Variants in ELF5 observed in about 807,000 individuals in gnomAD.
ELF5 encodes the protein E74 like ETS transcription factor 5, also known as ETS-related transcription factor Elf-5.
In ELF5, 31 loss-of-function variants were observed where a neutral mutation model predicts 38.2. The ratio of observed to expected loss-of-function variants is 0.81; its 90% CI spans 0.61 to 1.10. The LOEUF is 1.10. Ranked by LOEUF, ELF5 falls within the 50% of genes least tolerant of loss-of-function variation. ELF5 has a pLI of 0.00. For missense variants in ELF5, 300 were observed against 306.6 expected (o/e 0.98, Z 0.16); for synonymous variants, 121 against 112.5 (o/e 1.08, Z -0.48).
At chr11:34,512,746 C>T (rs1357688677) in intron 1 of ELF5, among the ~76,000 whole-genome samples, 3 of 152,212 alleles carry the variant, frequency 2.0e-5, no homozygotes, top group South Asian at 4.1e-4. Flanking sequence ...CTGAAAACTC[C>T]GGCCCGAGAA....
At chr11:34,510,417 A>C (rs1850724432) in intron 1 of ELF5, among the ~76,000 whole-genome samples, 1 of 152,066 alleles carries the variant, frequency 6.6e-6, no homozygotes, top group Non-Finnish European at 1.5e-5. Flanking sequence ...GTGAGAGTTC[A>C]AGAATAATGG....
chr11:34,510,225 C>T (rs1024505974), intron 1 of ELF5, among the ~76,000 whole-genome samples: 2 of 151,920 alleles, frequency 1.3e-5, no homozygotes, highest in African/African-American at 4.8e-5. Context: ...TGTAAAGGGC[C>T]TTCTCAGGTG....
intron 2 of ELF5, among the ~76,000 whole-genome samples, chr11:34,498,665 A>C (rs569268945): frequency 6.6e-6 from 1 of 152,354 alleles, no homozygotes; most frequent in South Asian, 2.1e-4. Context: ...TGCACAGAGC[A>C]GGTAATTGAA....
chr11:34,502,906 T>C (rs1850509069), intron 2 of ELF5, among the ~76,000 whole-genome samples: 1 of 152,184 alleles, frequency 6.6e-6, no homozygotes, highest in Admixed American at 6.5e-5. Context: ...TTGATGGAAA[T>C]GCGGAAGCCT....
chr11:34,512,994 C>G (rs1257456306), intron 1 of ELF5, among the ~76,000 whole-genome samples: 2 of 152,122 alleles, frequency 1.3e-5, no homozygotes, highest in Non-Finnish European at 2.9e-5. Flanking sequence ...ACACGCAGGC[C>G]CGGCTTCAGC....
intron 4 of ELF5, among the ~76,000 whole-genome samples, chr11:34,484,481 A>ATACTATACTATACTATACTATACTAT (rs111444312): frequency 8.6e-6 from 1 of 115,854 alleles, no homozygotes; most frequent in African/African-American, 3.3e-5. Flanking sequence ...ACACTATACT[A>ATACTATACTATACTATACTATACTAT]ACTATACTAT....
chr11:34,480,748 T>C (rs923959095), intron 6 of ELF5, 24 bp downstream of exon 6: 3 of 1,609,204 alleles, frequency 1.9e-6, no homozygotes, highest in South Asian at 2.2e-5. Flanking sequence ...TGAAGGCTCA[T>C]AGTATTTTAT....
chr11:34,487,431 C>A (rs911697016), intron 4 of ELF5, among the ~76,000 whole-genome samples: 1 of 152,188 alleles, frequency 6.6e-6, no homozygotes, highest in South Asian at 2.1e-4. Context: ...TCTTCCCCAT[C>A]GCTGGGTCCA....
chr11:34,489,301 A>G (rs1486632527), intron 4 of ELF5, among the ~76,000 whole-genome samples: 1 of 152,226 alleles, frequency 6.6e-6, no homozygotes, highest in Admixed American at 6.5e-5. Context: ...TCCAGCTTGC[A>G]GCCCTCAGAG....
At chr11:34,512,389 A>G (rs551509825) in intron 1 of ELF5, among the ~76,000 whole-genome samples, 11 of 152,298 alleles carry the variant, frequency 7.2e-5, no homozygotes, top group African/African-American at 2.4e-4. Context: ...AGTTTGCTGT[A>G]GGCTTCGATG....
intron 4 of ELF5, among the ~76,000 whole-genome samples, chr11:34,484,302 TACTA>T (rs370596698): frequency 2.6e-5 from 4 of 151,762 alleles, no homozygotes; most frequent in South Asian, 4.1e-4. Flanking sequence ...TACTATACTA[TACTA>T]ACTATACTGT....
At chr11:34,483,774 C>T (rs1438413401) in intron 4 of ELF5, among the ~76,000 whole-genome samples, 1 of 151,868 alleles carries the variant, frequency 6.6e-6, no homozygotes, top group African/African-American at 2.4e-5. Context: ...CTATACCATA[C>T]TAACTATACT....
intron 2 of ELF5, among the ~76,000 whole-genome samples, chr11:34,494,676 G>C (rs1850272967): frequency 1.3e-5 from 2 of 152,178 alleles, no homozygotes; most frequent in South Asian, 2.1e-4. Context: ...TGGAAAGTGG[G>C]GTGGACATAA....
intron 4 of ELF5, among the ~76,000 whole-genome samples, chr11:34,482,972 C>T: frequency 6.6e-6 from 1 of 152,036 alleles, no homozygotes; most frequent in Non-Finnish European, 1.5e-5. Context: ...ACCTGAGACA[C>T]CAGGACAAGC....
chr11:34,492,253 G>C (rs1046205685), intron 3 of ELF5: 1 of 152,326 alleles, frequency 6.6e-6, no homozygotes, highest in Non-Finnish European at 1.5e-5. Flanking sequence ...CAGGGCCCCA[G>C]CCATGTAGTG....
intron 2 of ELF5, among the ~76,000 whole-genome samples, chr11:34,495,147 C>T (rs536220102): frequency 2.6e-5 from 4 of 152,240 alleles, no homozygotes; most frequent in South Asian, 4.1e-4. Flanking sequence ...ACCACCATAC[C>T]GGGTCAGCAC....
chr11:34,496,205 G>A (rs1398355272), intron 2 of ELF5, among the ~76,000 whole-genome samples: 1 of 152,234 alleles, frequency 6.6e-6, no homozygotes, highest in Non-Finnish European at 1.5e-5. Flanking sequence ...TGTTGCTGGC[G>A]CTGGCTCCCT....
At chr11:34,484,327 G>A (rs569861944) in intron 4 of ELF5, among the ~76,000 whole-genome samples, 21 of 151,164 alleles carry the variant, frequency 1.4e-4, no homozygotes, top group South Asian at 1.0e-3. Context: ...ACCATATATT[G>A]TATTCTACTG....
chr11:34,511,472 C>A, intron 1 of ELF5: 1 of 1,604,716 alleles, frequency 6.2e-7, no homozygotes, highest in South Asian at 1.1e-5. Flanking sequence ...AGGAAAAGCT[C>A]AAGAATGATT....
Sources: gnomAD v4.1 joint callset for allele counts (sites outside exome capture counted in the v4.1 genomes callset) on GRCh38, gnomAD v4.1.1 for gene constraint, MANE v1.5 for transcripts, NCBI Gene and HGNC (gene_info 2026-07-23, HGNC 2026-07-21) for gene names.